RIOK2: variants seen among roughly 807,000 people sequenced by gnomAD.
RIOK2 encodes the protein RIO kinase 2.
In RIOK2, 46 loss-of-function variants were observed where a neutral mutation model predicts 62.4. The observed-to-expected ratio is 0.74, with a 90% CI of 0.58 to 0.94. The LOEUF is 0.94. Among genes scored for constraint, RIOK2 ranks in the 40% least tolerant of loss-of-function variants. The pLI is 0.00. For missense variants in RIOK2, 574 were observed against 658.0 expected (o/e 0.87, Z 1.40); for synonymous variants, 197 against 216.0 (o/e 0.91, Z 0.77).
chr5:97,182,760 G>A (rs1373180148), intron 1 of RIOK2: 2 of 241,824 alleles, frequency 8.3e-6, no homozygotes, highest in Non-Finnish European at 1.5e-5. Context: ...TAGTAGGGAA[G>A]TCAATATTAT....
chr5:97,177,722 T>C lies in RIOK2; in HGVS notation c.322+10A>G, dbSNP rs1749207607. 2 of 1,481,342 alleles carry C rather than the reference T, an allele frequency of 1.4e-6. No homozygotes were observed. Among genetic ancestry groups the C allele is most frequent in the Admixed American group, 3.4e-5 (2 of 59,038 alleles). The allele number at this position is 1,481,342 out of a possible 1,614,324, so 91.8% of individuals were successfully genotyped here. ...AAGAAAATACTTTGCACAGTACTATTAGCACTTACCTGATTCTTTGCCAAC... is the reference window on the plus strand; with the variant it reads ...AAGAAAATACTTTGCACAGTACTATCAGCACTTACCTGATTCTTTGCCAAC... On this transcript the variant is annotated intron_variant, in intron 3 of 9. Coordinates refer to ENST00000283109, the MANE Select transcript of RIOK2 (RefSeq NM_018343.3).
chr5:97,172,247 T>C (rs185449679), intron 5 of RIOK2, among the ~76,000 whole-genome samples: 125 of 152,272 alleles, frequency 8.2e-4, no homozygotes, highest in Non-Finnish European at 1.6e-3. Flanking sequence ...CTCCCAGGCA[T>C]CTCAAACTTA....
At chr5:97,181,439 T>C (rs1749411479) in intron 1 of RIOK2, among the ~76,000 whole-genome samples, 2 of 152,100 alleles carry the variant, frequency 1.3e-5, no homozygotes, top group South Asian at 4.2e-4. Flanking sequence ...AAAGGAATGT[T>C]TGGGAGCAGA....
chr5:97,168,355 T>C (rs1297517084), intron 7 of RIOK2, among the ~76,000 whole-genome samples: 1 of 152,170 alleles, frequency 6.6e-6, no homozygotes, highest in East Asian at 1.9e-4. Context: ...AAAATAAATA[T>C]GAGAAAACTG....
intron 1 of RIOK2, 56 bp from the exon 2 acceptor site, chr5:97,179,249 A>C: frequency 5.8e-6 from 9 of 1,542,508 alleles, no homozygotes; most frequent in Non-Finnish European, 7.9e-6. Flanking sequence ...TTGTCTATCA[A>C]AACCCTGCGA....
Position 97,171,389 on chromosome 5 carries a change from ATC to A in RIOK2, c.594_595del (p.Gln198HisfsTer5). 1 of 1,523,864 alleles carries A rather than the reference ATC, an allele frequency of 6.6e-7. No homozygotes were observed. The allele number at this position is 1,523,864 out of a possible 1,614,324, so 94.4% of individuals were successfully genotyped here. A position where few individuals can be genotyped will look rare whatever the true frequency, so the allele number is the denominator to read the frequency against. ...TGATGCAGGATCTTCAACATGGTGT[ATC>A]TGACATCTGAAAGTATTTTAAGCAT... On this transcript the variant is annotated frameshift_variant, in exon 6 of 10. Transcript: ENST00000283109. LOFTEE classifies it high-confidence loss of function.
intron 1 of RIOK2, among the ~76,000 whole-genome samples, chr5:97,182,167 T>C (rs1749431668): frequency 6.6e-6 from 1 of 151,968 alleles, no homozygotes; most frequent in African/African-American, 2.4e-5. Context: ...TTCTGTGCCA[T>C]AAGACTGAGG....
intron 5 of RIOK2, among the ~76,000 whole-genome samples, chr5:97,172,373 CAG>C (rs993030731): frequency 2.4e-4 from 36 of 152,162 alleles, no homozygotes. Flanking sequence ...ATTTGCTACT[CAG>C]GGGAAAAACC....
chr5:97,182,789 G>T lies in RIOK2; in HGVS notation c.66+337C>A, dbSNP rs796805080. On this transcript the variant is annotated intron_variant, in intron 1 of 9. Transcript: ENST00000283109. ...ATATTATCAAATCTCGGGGGGGGGG[G>T]GGGGCTTAAACCTTTCACAGCTGGT... 4.0e-3 allele frequency: 896 copies of T among 223,978 alleles called. 50 individuals are homozygous for T. Among genetic ancestry groups the T allele is most frequent in the African/African-American group, 0.021 (816 of 39,652 alleles). 13.9% of individuals were successfully genotyped at this position (223,978 alleles called of 1,614,324 possible).
intron 2 of RIOK2, among the ~76,000 whole-genome samples, chr5:97,178,588 ATGCTCTTCTGCAGTACTCTATG>A (rs1423001943): frequency 2.3e-5 from 3 of 129,388 alleles, no homozygotes; most frequent in East Asian, 4.7e-4. Flanking sequence ...TGTACTCTAC[ATGCTCTTCTGCAGTACTCTATG>A]TGCTCTTCTG....
At position 97,179,063 on chromosome 5, in the gene RIOK2, C is replaced by G; in HGVS notation, c.197G>C (p.Arg66Pro). ...TGCCTCAAAATACTTACTTTTGGTA[C>G]GCTCCCAAGCTATGAGTTTATGTTT... ...LVKHKLIAWE[R>P]TKTVQGYRLT... Residue 66 changes from arginine to proline, a missense_variant, in exon 2 of 10, where the codon CGT becomes CCT. Arg to Pro is a moderately radical substitution (Grantham distance 103). Transcript: ENST00000283109. The G allele has an allele frequency of 6.2e-7, 1 of 1,613,808 alleles. No individual in the cohort carries two copies.
At chr5:97,172,997 C>T (rs569102591) in intron 5 of RIOK2, among the ~76,000 whole-genome samples, 178 bp downstream of exon 5, 1 of 152,148 alleles carries the variant, frequency 6.6e-6, no homozygotes, top group Non-Finnish European at 1.5e-5. Flanking sequence ...ACAGAGATTA[C>T]AAAGTTCATA....
intron 4 of RIOK2, chr5:97,175,889 A>G (rs1749149777): frequency 6.6e-6 from 1 of 152,230 alleles, no homozygotes; most frequent in Non-Finnish European, 1.5e-5. Context: ...ATATTTAACA[A>G]TCTATGCTGA....
chr5:97,173,856 T>A (rs954152877), intron 4 of RIOK2, among the ~76,000 whole-genome samples: 31 of 152,342 alleles, frequency 2.0e-4, no homozygotes, highest in Non-Finnish European at 4.3e-4. Context: ...TCTCCATACA[T>A]CTTTTCCCCT....
At position 97,171,378 on chromosome 5, in the gene RIOK2, C is replaced by A; in HGVS notation, c.607G>T (p.Glu203Ter). 2.6e-6 allele frequency: 4 copies of A among 1,543,584 alleles called. No individual in the cohort carries two copies. The highest frequency in any genetic ancestry group is 2.0e-5 in the Admixed American group (1 of 49,558). Reference sequence around the variant, plus strand: ...TCATCATATACTGATGCAGGATCTTCAACATGGTGTATCTGACATCTGAAA... The same window carrying A: ...TCATCATATACTGATGCAGGATCTTAAACATGGTGTATCTGACATCTGAAA... ...GYPLCQIHHV[E>*]DPASVYDEAM... Residue 203 changes from glutamate (E) to a stop codon, truncating the protein, a stop_gained, in exon 6 of 10, where the codon GAA becomes TAA. Coordinates refer to ENST00000283109, the MANE Select transcript of RIOK2 (RefSeq NM_018343.3). LOFTEE classifies it high-confidence loss of function.
At chr5:97,182,729 C>G (rs72777622) in intron 1 of RIOK2, 91,669 of 240,016 alleles carry the variant, frequency 0.38, 19,147 homozygotes, top group East Asian at 0.52. Flanking sequence ...ATCAGAAAGA[C>G]TGCTATGCGA....
intron 8 of RIOK2, 198 bp downstream of exon 8, chr5:97,167,269 C>A: frequency 7.0e-7 from 1 of 1,426,898 alleles, no homozygotes; most frequent in South Asian, 1.6e-5. Flanking sequence ...AGTCAATAGG[C>A]TGCCTAGAAT....
At chr5:97,169,412 C>T (rs1168351722) in intron 6 of RIOK2, among the ~76,000 whole-genome samples, 1 of 152,164 alleles carries the variant, frequency 6.6e-6, no homozygotes, top group East Asian at 1.9e-4. Context: ...TAAAAATAAT[C>T]TGAGGACATG....
rs556148337 is a variant in RIOK2, at chr5:97,166,487, T to C, written c.1397+980A>G. 87 of 216,630 alleles carry C rather than the reference T, an allele frequency of 4.0e-4. 1 individual carries two copies. The South Asian group carries it at 4.5e-3, about 11-fold the overall frequency. 13.4% of individuals were successfully genotyped at this position (216,630 alleles called of 1,614,324 possible). A position where few individuals can be genotyped will look rare whatever the true frequency, so the allele number is the denominator to read the frequency against. Reference sequence around the variant, plus strand: ...TACTGAAAAATGTTTAATAAATGTATTGCTGAACTAATTTTAATTGTCATA... The same window carrying C: ...TACTGAAAAATGTTTAATAAATGTACTGCTGAACTAATTTTAATTGTCATA... On this transcript the variant is annotated intron_variant, in intron 8 of 9. Transcript: ENST00000283109.
Sources: gnomAD v4.1 joint callset for allele counts (sites outside exome capture counted in the v4.1 genomes callset) on GRCh38, gnomAD v4.1.1 for gene constraint, MANE v1.5 for transcripts, NCBI Gene and HGNC (gene_info 2026-07-23, HGNC 2026-07-21) for gene names.